Variants in ZNF208 observed in about 807,000 individuals in gnomAD.
ZNF208 encodes the protein zinc finger protein 208.
ZNF208 carries 10 observed loss-of-function variants against 12.1 expected under a neutral mutation model. That is an observed-to-expected ratio of 0.83 (90% CI 0.51 to 1.40). The LOEUF is 1.40. ZNF208 is among the 40% of genes most tolerant of loss of function. The pLI, the probability that ZNF208 is intolerant of heterozygous loss-of-function variation, is 0.00. For missense variants in ZNF208, 1,652 were observed against 1,485.0 expected (o/e 1.11, Z -1.85); for synonymous variants, 497 against 488.4 (o/e 1.02, Z -0.23).
At position 21,967,979 on chromosome 19, in the gene ZNF208, T is replaced by C. The variant is rs1242535725; in HGVS notation, c.*3212A>G. ...CCCCTTGATTTAATGTATTTCTAGGTATTTTTTTGTGTGTTTGTTGCTATT... is the reference window on the plus strand; with the variant it reads ...CCCCTTGATTTAATGTATTTCTAGGCATTTTTTTGTGTGTTTGTTGCTATT... On this transcript the variant is annotated 3_prime_UTR_variant, in exon 4 of 4. Coordinates refer to ENST00000397126, the MANE Select transcript of ZNF208 (RefSeq NM_007153.3). The C allele has an allele frequency of 6.6e-6, 1 of 152,122 alleles. No individual in the cohort carries two copies. Among genetic ancestry groups the C allele is most frequent in the Non-Finnish European group, 1.5e-5 (1 of 68,010 alleles). The allele number at this position is 152,122 out of a possible 1,614,324, so 9.4% of individuals were successfully genotyped here.
At chr19:21,955,069 T>A (rs1308210844) in intron 4 of ZNF208, among the ~76,000 whole-genome samples, 1 of 152,216 alleles carries the variant, frequency 6.6e-6, no homozygotes, top group African/African-American at 2.4e-5. Flanking sequence ...TGTAAAGGAT[T>A]TTATTTCTCC....
Position 21,988,856 on chromosome 19 carries a change from T to C in ZNF208, c.57A>G (p.Gln19=). 1.2e-6 allele frequency: 2 copies of C among 1,614,122 alleles called. No homozygotes were observed. Among genetic ancestry groups the C allele is most frequent in the Non-Finnish European group, 1.7e-6 (2 of 1,179,974 alleles). Residue 19 remains glutamine, a synonymous_variant, in exon 2 of 4, where the codon CAA becomes CAG. Coordinates refer to ENST00000397126, the MANE Select transcript of ZNF208 (RefSeq NM_007153.3). ...VAIEFSLEEW[Q]CLDTAQQNLY... ...AATTCTGCTGTGCAGTGTCCAGGCA[T>C]TGCCACTCCTCCAGAGAGAATTCTA...
chr19:22,010,720 G>C lies in ZNF208; in HGVS notation c.3+72C>G, dbSNP rs752659834. ...CTGACTGCGGGGAGGCCTGAGTCCC[G>C]CCACAGCCACTTCCCACCGGTTCCA... is the stretch of plus-strand genomic sequence containing the variant. On this transcript the variant is annotated intron_variant, in intron 1 of 3. Transcript: ENST00000397126. The C allele has an allele frequency of 7.3e-4, 1,181 of 1,612,554 alleles. 3 individuals are homozygous for C. Among genetic ancestry groups the C allele is most frequent in the Non-Finnish European group, 9.4e-4 (1,105 of 1,178,796 alleles).
chr19:21,969,917 T>C lies in ZNF208; in HGVS notation c.*1274A>G, dbSNP rs571862450. Reference sequence around the variant, plus strand: ...ATTACTGGCATTAACAAAAATTTTTTTTTCCAGACAGTCTCTCTCTGTTGC... The same window carrying C: ...ATTACTGGCATTAACAAAAATTTTTCTTTCCAGACAGTCTCTCTCTGTTGC... On this transcript the variant is annotated 3_prime_UTR_variant, in exon 4 of 4. Transcript: ENST00000397126. 2.0e-5 allele frequency among the ~76,000 whole-genome samples: 3 copies of C among 152,300 alleles called. No homozygotes were observed. The highest frequency in any genetic ancestry group is 2.9e-5 in the Non-Finnish European group (2 of 68,016).
chr19:21,971,622 C>T lies in ZNF208; in HGVS notation c.3412G>A (p.Glu1138Lys). 6.2e-7 allele frequency: 1 copy of T among 1,612,804 alleles called. No homozygotes were observed. The highest frequency in any genetic ancestry group is 8.5e-7 in the Non-Finnish European group (1 of 1,179,946). The change falls in exon 4 of 4, where the codon GAG becomes AAG. Residue 1138 changes from glutamate to lysine, a missense_variant. By Grantham distance (56) the Glu-to-Lys change is moderately conservative. Coordinates refer to ENST00000397126, the MANE Select transcript of ZNF208 (RefSeq NM_007153.3). ...LTKHKVIHTG[E>K]KPYKCEECGK... ...CATTCTTCACATTTGTAGGGTTTCT[C>T]TCCAGTATGAATTACCTTATGTTTA... is the stretch of plus-strand genomic sequence containing the variant.
At chr19:22,006,800 A>G (rs1329595739) in intron 1 of ZNF208, among the ~76,000 whole-genome samples, 3 of 152,232 alleles carry the variant, frequency 2.0e-5, no homozygotes, top group African/African-American at 4.8e-5. Flanking sequence ...ATTCAAAAAC[A>G]GTGTTCATAT....
intron 3 of ZNF208, among the ~76,000 whole-genome samples, chr19:21,984,596 T>C (rs1970602329): frequency 6.6e-6 from 1 of 151,992 alleles, no homozygotes; most frequent in African/African-American, 2.4e-5. Context: ...TATATATGAA[T>C]TTAACAAAAC....
At chr19:21,953,438 G>T (rs1367477856) in intron 4 of ZNF208, among the ~76,000 whole-genome samples, 2 of 152,208 alleles carry the variant, frequency 1.3e-5, no homozygotes, top group Non-Finnish European at 2.9e-5. Flanking sequence ...CCAAAAGGAA[G>T]TCCATCAGAC....
chr19:21,973,978 C>G lies in ZNF208; in HGVS notation c.1056G>C (p.Lys352Asn), dbSNP rs575701702. Residue 352 changes from lysine to asparagine, a missense_variant, in exon 4 of 4, where the codon AAG becomes AAC. Physicochemically the swap from Lys to Asn is moderately conservative, Grantham distance 94 (BLOSUM62 0). This residue lies in a region of ZNF208 where 1,239 missense variants were observed against 1,086.2 expected (regional missense o/e 1.14). Transcript: ENST00000397126. ...CCTTATGTTTAGTAAGGATTGAGAACTTACTAAAGGCTTTGCCACATTCTT... is the reference window on the plus strand; with the variant it reads ...CCTTATGTTTAGTAAGGATTGAGAAGTTACTAAAGGCTTTGCCACATTCTT... ...KCKECGKAFS[K>N]FSILTKHKVI... The G allele has an allele frequency of 1.2e-6, 2 of 1,612,874 alleles. No homozygotes were observed. The highest frequency in any genetic ancestry group is 1.7e-5 in the Admixed American group (1 of 59,838).
At chr19:21,992,273 T>C (rs1970753922) in intron 1 of ZNF208, among the ~76,000 whole-genome samples, 1 of 152,238 alleles carries the variant, frequency 6.6e-6, no homozygotes, top group Admixed American at 6.5e-5. Context: ...TATAATGTCC[T>C]GATGCACCCA....
intron 4 of ZNF208, among the ~76,000 whole-genome samples, chr19:21,956,834 C>T (rs1969986243): frequency 6.6e-6 from 1 of 152,122 alleles, no homozygotes; most frequent in South Asian, 2.1e-4. Context: ...CCATAGGCTG[C>T]ACCCACTGTC....
In ZNF208 at chr19:21,973,240, T is replaced by C; in HGVS notation, c.1794A>G (p.Lys598=). ...KAFNQSAILI[K]HKRIHTGEKP... is the part of the protein sequence containing the mutation. ...TCTCACCAGTATGAATTCTCTTATG[T>C]TTAATAAGAATTGCAGATTGGTTAA... is the stretch of plus-strand genomic sequence containing the variant. Residue 598 remains lysine, a synonymous_variant, in exon 4 of 4, where the codon AAA becomes AAG. Transcript: ENST00000397126. 2 of 1,613,034 alleles carry C rather than the reference T, an allele frequency of 1.2e-6. No homozygotes were observed. Among genetic ancestry groups the C allele is most frequent in the Non-Finnish European group, 1.7e-6 (2 of 1,179,842 alleles).
chr19:21,977,231 A>G (rs1970448006), intron 3 of ZNF208, among the ~76,000 whole-genome samples: 1 of 152,228 alleles, frequency 6.6e-6, no homozygotes, highest in South Asian at 2.1e-4. Context: ...CAATTATAGT[A>G]GGATATTATT....
rs758342936 is a variant in ZNF208 at position 21,972,660 on chromosome 19, G to T, written c.2374C>A (p.Leu792Ile). ...CGKAFNRSAI[L>I]IKHKRIHTDE... ...GTATGAATTCTCTTATGTTTAATAA[G>T]GATTGCAGATCGGTTAAAAGCTTTG... The change falls in exon 4 of 4, where the codon CTT becomes ATT. Residue 792 changes from leucine (L) to isoleucine (I), a missense_variant. Around this residue, in one of 3 missense-constraint regions of ZNF208, gnomAD observed 1,239 missense variants for 1,086.2 expected, o/e 1.14. Transcript: ENST00000397126. 6.2e-6 allele frequency: 10 copies of T among 1,612,706 alleles called. No individual in the cohort carries two copies. The highest frequency in any genetic ancestry group is 8.5e-6 in the Non-Finnish European group (10 of 1,179,796).
At chr19:21,976,058 GGAAAGACATGCACA>G (rs1386512197) in intron 3 of ZNF208, among the ~76,000 whole-genome samples, 9 of 151,916 alleles carry the variant, frequency 5.9e-5, no homozygotes, top group African/African-American at 2.2e-4. Flanking sequence ...TTATTTTCTA[GGAAAGACATGCACA>G]GACAAAAAAT....
intron 4 of ZNF208, among the ~76,000 whole-genome samples, chr19:21,956,118 C>A (rs1969971766): frequency 6.6e-6 from 1 of 152,210 alleles, no homozygotes; most frequent in African/African-American, 2.4e-5. Flanking sequence ...ACCCTGTTTG[C>A]CTGGGTATCA....
chr19:21,954,057 A>C (rs1969932174), intron 4 of ZNF208, among the ~76,000 whole-genome samples: 1 of 152,228 alleles, frequency 6.6e-6, no homozygotes, highest in Non-Finnish European at 1.5e-5. Flanking sequence ...TTGGTTTCAA[A>C]GAACATCTTT....
At chr19:21,978,377 C>T (rs2145557114) in intron 3 of ZNF208, among the ~76,000 whole-genome samples, 1 of 152,348 alleles carries the variant, frequency 6.6e-6, no homozygotes, top group Admixed American at 6.5e-5. Flanking sequence ...GAGGAAGGAA[C>T]AGGCAGCAAT....
chr19:21,967,060 C>T lies in ZNF208; in HGVS notation c.*4131G>A, dbSNP rs1476345526. The T allele has an allele frequency of 2.0e-5, 3 of 152,106 alleles. No homozygotes were observed. Among genetic ancestry groups the T allele is most frequent in the African/African-American group, 4.8e-5 (2 of 41,434 alleles). 9.4% of individuals were successfully genotyped at this position (152,106 alleles called of 1,614,324 possible). On this transcript the variant is annotated 3_prime_UTR_variant, in exon 4 of 4. Transcript: ENST00000397126. ...GATAGTTTCTTTTACTGTGCAGAAG[C>T]TCTTTGGCTTAGATGCCATTTTTTA...
Sources: allele counts gnomAD v4.1 joint callset (sites outside exome capture counted in the v4.1 genomes callset), GRCh38; gene constraint gnomAD v4.1.1; regional missense constraint gnomAD v4.1.1; transcripts MANE v1.5; gene names NCBI Gene and HGNC (gene_info 2026-07-23, HGNC 2026-07-21).